CSPG4: variants seen among roughly 807,000 people sequenced by gnomAD.
CSPG4 encodes the protein chondroitin sulfate proteoglycan 4, also known as chondroitin sulfate proteoglycan 4 (melanoma-associated).
Under a neutral mutation model 139.3 loss-of-function variants are expected in CSPG4, and 74 were observed. That is an observed-to-expected ratio of 0.53 (90% confidence interval 0.44 to 0.64). The LOEUF is 0.64. Among genes scored for constraint, CSPG4 ranks in the 30% least tolerant of loss-of-function variants. The pLI is 0.00. For missense variants in CSPG4, 2,565 were observed against 3,148.3 expected, an observed-to-expected ratio of 0.81 and a Z score of 4.43; for synonymous variants, 1,234 against 1,394.2, an observed-to-expected ratio of 0.89 and a Z score of 2.56.
chr15:75,689,533 G>A lies in CSPG4; in HGVS notation c.1532C>T (p.Ser511Phe). The stretch of plus-strand genomic sequence containing the variant: ...CACCAGCTGGTCGGAGGTGTCCTCA[G>A]AGCCATCGTGGATGAAGCGGGCCTT... ...NRKARFIHDG[S>F]EDTSDQLVLE... is the part of the protein sequence containing the mutation. The change falls in exon 3 of 10, where the codon TCT (serine) becomes TTT (phenylalanine). Residue 511 changes from serine to phenylalanine, a missense_variant. Around this residue, in one of 5 missense-constraint regions of CSPG4, gnomAD observed 2,316 missense variants for 2,818.2 expected, o/e 0.82. Coordinates refer to ENST00000308508, the MANE Select transcript of CSPG4 (RefSeq NM_001897.5). 1 of 1,612,836 alleles carries A rather than the reference G, an allele frequency of 6.2e-7. No individual in the cohort carries two copies. Among genetic ancestry groups the A allele is most frequent in the Non-Finnish European group, 8.5e-7 (1 of 1,179,860 alleles).
intron 8 of CSPG4, among the ~76,000 whole-genome samples, chr15:75,681,344 A>T (rs552086122): frequency 8.3e-6 from 1 of 120,570 alleles, no homozygotes; most frequent in Non-Finnish European, 1.9e-5. Flanking sequence ...CAGGCTCAGG[A>T]GTCCCTGCCG....
In CSPG4 at chr15:75,712,804, G is replaced by A. The variant is rs201119307; in HGVS notation, c.-49C>T. 424 of 1,468,770 alleles carry A rather than the reference G, an allele frequency of 2.9e-4. 3 individuals are homozygous for A. The East Asian group carries it at 9.9e-3, about 34-fold the overall frequency. The allele number at this position is 1,468,770 out of a possible 1,614,324, so 91.0% of individuals were successfully genotyped here. On this transcript the variant is annotated 5_prime_UTR_variant, in exon 1 of 10. Coordinates refer to ENST00000308508, the MANE Select transcript of CSPG4 (RefSeq NM_001897.5). ...TTGCGAGGAGCCAGCGGAGTCCTGGGAGCTGGGAGCTGAGTGGAGCGAGCG... is the reference window on the plus strand; with the variant it reads ...TTGCGAGGAGCCAGCGGAGTCCTGGAAGCTGGGAGCTGAGTGGAGCGAGCG...
At chr15:75,684,644 G>T (rs1894026246) in intron 5 of CSPG4, 92 bp downstream of exon 5, 1 of 1,229,608 alleles carries the variant, frequency 8.1e-7, no homozygotes, top group Non-Finnish European at 1.1e-6. Flanking sequence ...GGAAACTGAG[G>T]ATCAGAGCTG....
At chr15:75,699,722 AG>A (rs1894276192) in intron 1 of CSPG4, among the ~76,000 whole-genome samples, 1 of 151,906 alleles carries the variant, frequency 6.6e-6, no homozygotes, top group South Asian at 2.1e-4. Context: ...GGGCCGGGGG[AG>A]GAGGAAGCGG....
upstream of CSPG4, chr15:75,712,896 C>G (rs1596015934): frequency 4.8e-6 from 3 of 619,658 alleles, no homozygotes; most frequent in Non-Finnish European, 7.9e-6. Context: ...GCGGGGCAGG[C>G]GCAGACCCGC....
rs1404978862 is a variant in CSPG4, at chr15:75,682,355, G to A, written c.4888C>T (p.Arg1630Trp). 3 of 1,596,796 alleles carry A rather than the reference G, an allele frequency of 1.9e-6. No homozygotes were observed. The highest frequency in any genetic ancestry group is 2.7e-5 in the African/African-American group (2 of 74,980). ...YRVVRGPQLG[R>W]LFHAQQDSTG... is the part of the protein sequence containing the mutation. ...CTGTCCTGCTGGGCGTGGAACAGCC[G>A]GCCTAGCTGGGGGCCCCGCACCACA... The change falls in exon 8 of 10, where the codon CGG becomes TGG. Residue 1630 changes from arginine (R) to tryptophan (W), a missense_variant. Transcript: ENST00000308508.
chr15:75,687,221 G>A lies in CSPG4; in HGVS notation c.3789+55C>T. 1 of 1,594,846 alleles carries A rather than the reference G, an allele frequency of 6.3e-7. No individual in the cohort carries two copies. Among genetic ancestry groups the A allele is most frequent in the Admixed American group, 1.7e-5 (1 of 59,966 alleles). On this transcript the variant is annotated intron_variant, in intron 3 of 9. Transcript: ENST00000308508. The surrounding 1 kb of genome is among the most constrained non-coding windows in gnomAD (Gnocchi z 5.4). ...CACGTGTGTTCCTGGCATGGAGGCT[G>A]GGAGAAGGCCCTCTACCTGGCCCAC...
chr15:75,686,927 C>A, intron 3 of CSPG4, among the ~76,000 whole-genome samples: 1 of 152,142 alleles, frequency 6.6e-6, no homozygotes, highest in African/African-American at 2.4e-5. Flanking sequence ...AAGCTCAGGA[C>A]CCGTGATGTC....
Position 75,682,338 on chromosome 15 carries a change from CTGGGCG to C in CSPG4, c.4899_4904del (p.His1633_Ala1634del). ...CCAGGGCCTCCCCTGTGCTGTCCTG[CTGGGCG>C]TGGAACAGCCGGCCTAGCTGGGGGC... On this transcript the variant is annotated inframe_deletion, in exon 8 of 10. Coordinates refer to ENST00000308508, the MANE Select transcript of CSPG4 (RefSeq NM_001897.5). 6.3e-7 allele frequency: 1 copy of C among 1,596,764 alleles called. No homozygotes were observed. The highest frequency in any genetic ancestry group is 8.5e-7 in the Non-Finnish European group (1 of 1,179,942).
intron 1 of CSPG4, among the ~76,000 whole-genome samples, chr15:75,706,128 G>C (rs1894368118): frequency 6.6e-6 from 1 of 152,314 alleles, no homozygotes; most frequent in South Asian, 2.1e-4. Flanking sequence ...GTGGGAATCA[G>C]TGTCCTGGTC....
intron 5 of CSPG4, 146 bp from the exon 6 acceptor site, chr15:75,683,187 C>G: frequency 4.0e-6 from 3 of 750,532 alleles, no homozygotes; most frequent in Non-Finnish European, 6.6e-6. Flanking sequence ...GGCTCCCCTG[C>G]ACAAAGGGCC....
chr15:75,696,510 G>A lies in CSPG4; in HGVS notation c.89-3277C>T, dbSNP rs951964886. Among the ~76,000 whole-genome samples, 28 of 152,284 alleles carry A rather than the reference G, an allele frequency of 1.8e-4. No individual in the cohort carries two copies. Among genetic ancestry groups the A allele is most frequent in the Middle Eastern group, 3.4e-3 (1 of 294 alleles). On this transcript the variant is annotated intron_variant, in intron 1 of 9. Coordinates refer to ENST00000308508, the MANE Select transcript of CSPG4 (RefSeq NM_001897.5). The surrounding 1 kb of genome is among the most constrained non-coding windows in gnomAD (Gnocchi z 4.2). ...TTTGCGTAAGGCTGTGTGTTTGTGT[G>A]TGTGTGCGCGTGTGTGGGCCGGGAG...
At chr15:75,684,660 G>T in intron 5 of CSPG4, 76 bp downstream of exon 5, 1 of 1,402,870 alleles carries the variant, frequency 7.1e-7, no homozygotes, top group South Asian at 1.3e-5. Context: ...AGCTGGGGGA[G>T]CTCTGAGCCG....
rs2141419735 is a variant in CSPG4, at chr15:75,676,074, G to A, written c.6445C>T (p.Gln2149Ter). The A allele has an allele frequency of 6.5e-7, 1 of 1,533,732 alleles. No homozygotes were observed. The highest frequency in any genetic ancestry group is 1.2e-5 in the South Asian group (1 of 84,384). ...GDSLTLELWAQGVPPAVASLD... is the reference protein window; with the variant it reads ...GDSLTLELWA ...GAGGCCACAGCAGGCGGGACGCCCT[G>A]TGCCCACAGCTCCAGAGTGAGACTG... Residue 2149 changes from glutamine (Q) to a stop codon, truncating the protein, a stop_gained, in exon 10 of 10, where the codon CAG (glutamine) becomes TAG (stop). Coordinates refer to ENST00000308508, the MANE Select transcript of CSPG4 (RefSeq NM_001897.5). LOFTEE classifies it high-confidence loss of function.
chr15:75,712,759 G>T lies in CSPG4; in HGVS notation c.-4C>A, dbSNP rs1231992550. The T allele has an allele frequency of 6.5e-7, 1 of 1,540,668 alleles. No individual in the cohort carries two copies. Among genetic ancestry groups the T allele is most frequent in the Non-Finnish European group, 8.8e-7 (1 of 1,142,442 alleles). ...GGGGCCGCGGCCCGGACTGCATCCC[G>T]GCGGGCTGGGCGGCAGGACTTGCGA... is the stretch of plus-strand genomic sequence containing the variant. On this transcript the variant is annotated 5_prime_UTR_variant, in exon 1 of 10. Transcript: ENST00000308508.
chr15:75,700,280 T>C (rs1362224931), intron 1 of CSPG4, among the ~76,000 whole-genome samples: 1 of 147,064 alleles, frequency 6.8e-6, no homozygotes, highest in African/African-American at 2.5e-5. Context: ...ATGGCCCCAG[T>C]GGGAGGAGGG....
At chr15:75,683,861 C>A (rs1016881952) in intron 5 of CSPG4, among the ~76,000 whole-genome samples, 2 of 152,218 alleles carry the variant, frequency 1.3e-5, no homozygotes, top group Non-Finnish European at 2.9e-5. Flanking sequence ...GGGGCAGGAC[C>A]CCAGCACTAG....
Position 75,682,746 on chromosome 15 carries a change from G to A in CSPG4, c.4649-5C>T. The stretch of plus-strand genomic sequence containing the variant: ...GGAAGCCTCCATCCAGGGTTCCTGG[G>A]GACAGGGGCATTGGGTCCAGCTGGC... On this transcript the variant is annotated splice_polypyrimidine_tract_variant and splice_region_variant and intron_variant, in intron 6 of 9. Coordinates refer to ENST00000308508, the MANE Select transcript of CSPG4 (RefSeq NM_001897.5). 3.7e-6 allele frequency: 6 copies of A among 1,612,596 alleles called. No homozygotes were observed. Among genetic ancestry groups the A allele is most frequent in the Non-Finnish European group, 4.2e-6 (5 of 1,179,834 alleles).
rs1394595928 is a variant in CSPG4, at chr15:75,675,003, C to A, written c.*547G>T. ...TGGCTTATGCCTTCTAGACTGGAGGCGCTCTCTCCTCTTGCCCTCTACTCC... is the reference window on the plus strand; with the variant it reads ...TGGCTTATGCCTTCTAGACTGGAGGAGCTCTCTCCTCTTGCCCTCTACTCC... On this transcript the variant is annotated 3_prime_UTR_variant, in exon 10 of 10. Transcript: ENST00000308508. 2 of 393,714 alleles carry A rather than the reference C, an allele frequency of 5.1e-6. No homozygotes were observed. The highest frequency in any genetic ancestry group is 8.9e-6 in the Non-Finnish European group (2 of 223,586). The allele number at this position is 393,714 out of a possible 1,614,324, so 24.4% of individuals were successfully genotyped here.
Sources: gnomAD v4.1 joint callset for allele counts (sites outside exome capture counted in the v4.1 genomes callset) on GRCh38, gnomAD v4.1.1 for gene constraint, gnomAD v4.1.1 regional missense constraint, Gnocchi (gnomAD v3.1) non-coding constraint, MANE v1.5 for transcripts, NCBI Gene and HGNC (gene_info 2026-07-23, HGNC 2026-07-21) for gene names.